Variants in SUGCT observed in about 807,000 individuals in gnomAD.
The protein encoded by SUGCT is succinyl-CoA:glutarate-CoA transferase.
In SUGCT, 41 loss-of-function variants were observed where a neutral mutation model predicts 55.0. The ratio of observed to expected loss-of-function variants is 0.74; its 90% CI spans 0.58 to 0.97. SUGCT has a LOEUF of 0.97. Ranked by LOEUF, SUGCT falls within the 50% of genes least tolerant of loss-of-function variation. SUGCT has a pLI of 0.00. For missense variants in SUGCT, 568 were observed against 547.8 expected (o/e 1.04, Z -0.37); for synonymous variants, 187 against 200.4 (o/e 0.93, Z 0.56).
the SUGCT span, among the ~76,000 whole-genome samples, chr7:40,883,204 A>G: frequency 4.6e-5 from 7 of 152,200 alleles, no homozygotes; most frequent in Non-Finnish European, 7.3e-5. Context: ...CAGCTCATGA[A>G]CTGCAAGAGG....
chr7:40,417,641 G>A (rs879370076), intron 9 of SUGCT, among the ~76,000 whole-genome samples: 9 of 151,424 alleles, frequency 5.9e-5, no homozygotes, highest in Non-Finnish European at 1.3e-4. Flanking sequence ...TGTTCTATGG[G>A]CCTGAATAAA....
chr7:40,626,124 T>C (rs1258039607), intron 12 of SUGCT, among the ~76,000 whole-genome samples: 2 of 152,212 alleles, frequency 1.3e-5, no homozygotes, highest in Non-Finnish European at 2.9e-5. Flanking sequence ...AACCACCTTG[T>C]GGCCAAAAGG....
intron 12 of SUGCT, among the ~76,000 whole-genome samples, chr7:40,700,798 A>T (rs1584298174): frequency 6.6e-6 from 1 of 152,216 alleles, no homozygotes; most frequent in Non-Finnish European, 1.5e-5. Context: ...TGCAAAAAGC[A>T]GCCACTGATT....
At chr7:40,270,959 T>C (rs1289707374) in intron 7 of SUGCT, among the ~76,000 whole-genome samples, 2 of 152,152 alleles carry the variant, frequency 1.3e-5, no homozygotes, top group Non-Finnish European at 2.9e-5. Context: ...TATCCTATTA[T>C]AAATTGAATT....
intron 12 of SUGCT, among the ~76,000 whole-genome samples, chr7:40,529,271 A>C (rs1418903428): frequency 1.3e-5 from 2 of 152,200 alleles, no homozygotes; most frequent in Non-Finnish European, 2.9e-5. Flanking sequence ...GAAATGTCCA[A>C]TATGACATTG....
chr7:40,244,787 A>C (rs1789705886), intron 7 of SUGCT, among the ~76,000 whole-genome samples: 1 of 152,184 alleles, frequency 6.6e-6, no homozygotes, highest in African/African-American at 2.4e-5. Context: ...TAAGATACAT[A>C]AGTAGGTGGA....
chr7:40,182,045 C>G lies in SUGCT; in HGVS notation c.226+17C>G, dbSNP rs747972701. On this transcript the variant is annotated intron_variant, in intron 3 of 13. Transcript: ENST00000335693. ...AGAGACCAGGTAAAGCTATTACTCC[C>G]TTTAAAAAATAGAAACAAGCTAATA... 3 of 1,445,192 alleles carry G rather than the reference C, an allele frequency of 2.1e-6. No individual in the cohort carries two copies. The highest frequency in any genetic ancestry group is 2.8e-6 in the Non-Finnish European group (3 of 1,052,848). 89.5% of individuals were successfully genotyped at this position (1,445,192 alleles called of 1,614,324 possible).
intron 12 of SUGCT, among the ~76,000 whole-genome samples, chr7:40,666,987 C>T (rs745580880): frequency 8.6e-5 from 13 of 151,394 alleles, no homozygotes; most frequent in Non-Finnish European, 1.3e-4. Context: ...TGGGGTTGCA[C>T]GCCTGTGATC....
chr7:40,829,923 A>T (rs1319485461), intron 13 of SUGCT, among the ~76,000 whole-genome samples: 1 of 152,204 alleles, frequency 6.6e-6, no homozygotes, highest in Non-Finnish European at 1.5e-5. Flanking sequence ...CCAAAATAGA[A>T]TGCTGACTTT....
At chr7:40,585,710 C>G (rs982849532) in intron 12 of SUGCT, among the ~76,000 whole-genome samples, 1 of 152,116 alleles carries the variant, frequency 6.6e-6, no homozygotes, top group Non-Finnish European at 1.5e-5. Flanking sequence ...GACGGGATCT[C>G]ACTCTGGCAC....
chr7:40,402,463 G>T (rs117056618), intron 9 of SUGCT, among the ~76,000 whole-genome samples: 3,106 of 152,118 alleles, frequency 0.02, 51 homozygotes, highest in South Asian at 0.034. Flanking sequence ...AAGAGGAAAA[G>T]ATTTTCTTTT....
intron 12 of SUGCT, among the ~76,000 whole-genome samples, chr7:40,636,475 G>A (rs996861031): frequency 2.6e-5 from 4 of 152,138 alleles, no homozygotes; most frequent in African/African-American, 9.7e-5. Context: ...TGTCACTAAG[G>A]TAGGCCCACA....
chr7:40,373,577 A>G (rs989213487), intron 9 of SUGCT, among the ~76,000 whole-genome samples: 1 of 151,964 alleles, frequency 6.6e-6, no homozygotes, highest in East Asian at 1.9e-4. Flanking sequence ...AGTCCTCAAA[A>G]TCAAATTAGG....
chr7:40,271,145 A>G (rs981028342), intron 7 of SUGCT, among the ~76,000 whole-genome samples: 1 of 152,176 alleles, frequency 6.6e-6, no homozygotes, highest in Admixed American at 6.5e-5. Context: ...AAATTGAGAT[A>G]GTTTTACTTC....
intron 9 of SUGCT, among the ~76,000 whole-genome samples, chr7:40,352,555 A>G (rs1186319669): frequency 6.6e-6 from 1 of 152,130 alleles, no homozygotes; most frequent in Non-Finnish European, 1.5e-5. Flanking sequence ...AAGTAAGAAC[A>G]TGGCGGTGTT....
Position 40,415,046 on chromosome 7 carries a change from A to C in SUGCT, c.817-34241A>C, listed in dbSNP as rs1379489227. Reference sequence around the variant, plus strand: ...GGTGACAGAGCCACACTCTGTCACAAAAAAAAAAAAAAAAAATCTATCTAT... The same window carrying C: ...GGTGACAGAGCCACACTCTGTCACACAAAAAAAAAAAAAAAATCTATCTAT... On this transcript the variant is annotated intron_variant, in intron 9 of 13. Coordinates refer to ENST00000335693, the MANE Select transcript of SUGCT (RefSeq NM_001193313.2). 0.014 allele frequency among the ~76,000 whole-genome samples: 43 copies of C among 3,042 alleles called. No homozygotes were observed. In the South Asian group the frequency reaches 0.17, roughly 12 times the overall value. 2.0% of individuals were successfully genotyped at this position (3,042 alleles called of 152,430 possible). A position where few individuals can be genotyped will look rare whatever the true frequency, so the allele number is the denominator to read the frequency against.
At chr7:40,948,440 ATGATGATGATG>A in the SUGCT span, among the ~76,000 whole-genome samples, 4 of 42,136 alleles carry the variant, frequency 9.5e-5, no homozygotes. Context: ...AAACATGATG[ATGATGATGATG>A]ATGATGATGA....
At chr7:40,777,077 T>A (rs1333069622) in intron 13 of SUGCT, among the ~76,000 whole-genome samples, 1 of 152,224 alleles carries the variant, frequency 6.6e-6, no homozygotes. Context: ...TATGAAGTTT[T>A]GAACTCAAAA....
Position 40,565,993 on chromosome 7 carries a change from G to GCACACA in SUGCT, c.1089+69633_1089+69638dup, listed in dbSNP as rs376444246. 1.7e-3 allele frequency among the ~76,000 whole-genome samples: 205 copies of GCACACA among 123,986 alleles called. 1 individual carries two copies. The highest frequency in any genetic ancestry group is 5.9e-3 in the African/African-American group (143 of 24,328). The allele number at this position is 123,986 out of a possible 152,430, so 81.3% of individuals were successfully genotyped here. Reference sequence around the variant, plus strand: ...CACACACACACACACACACACACACGCACACACACACACACACACACACAC... The same window carrying GCACACA: ...CACACACACACACACACACACACACGCACACACACACACACACACACACACACACAC... On this transcript the variant is annotated intron_variant, in intron 12 of 13. Coordinates refer to ENST00000335693, the MANE Select transcript of SUGCT (RefSeq NM_001193313.2).
Sources: gnomAD v4.1 joint callset for allele counts (sites outside exome capture counted in the v4.1 genomes callset) on GRCh38, gnomAD v4.1.1 for gene constraint, MANE v1.5 for transcripts, NCBI Gene and HGNC (gene_info 2026-07-23, HGNC 2026-07-21) for gene names.